Variants in NRG1 observed in about 807,000 individuals in gnomAD.
NRG1 encodes the protein neuregulin 1, also known as pro-neuregulin-1, membrane-bound isoform.
In NRG1, 18 loss-of-function variants were observed where a neutral mutation model predicts 63.8. That is an observed-to-expected ratio of 0.28 (90% CI 0.19 to 0.42). NRG1 has a LOEUF of 0.42. Among genes scored for constraint, NRG1 ranks in the 10% least tolerant of loss-of-function variants. The pLI, the probability that NRG1 is intolerant of heterozygous loss-of-function variation, is 1.00. For synonymous variants in NRG1, 302 were observed against 301.3 expected (o/e 1.00, Z -0.02); for missense variants, 762 against 814.7 (o/e 0.94, Z 0.79).
chr8:31,822,580 G>C (rs1695076405), intron 1 of NRG1, among the ~76,000 whole-genome samples: 1 of 152,144 alleles, frequency 6.6e-6, no homozygotes, highest in South Asian at 2.1e-4. Context: ...TTTCTAAAAG[G>C]CAAAGTGTTT....
chr8:32,400,683 C>T (rs1813063009), intron 1 of NRG1, among the ~76,000 whole-genome samples: 1 of 152,174 alleles, frequency 6.6e-6, no homozygotes, highest in African/African-American at 2.4e-5. Flanking sequence ...TCATACACTG[C>T]TGGTGGGACT....
chr8:31,806,172 A>G (rs1444063395), intron 1 of NRG1, among the ~76,000 whole-genome samples: 2 of 152,212 alleles, frequency 1.3e-5, no homozygotes, highest in African/African-American at 2.4e-5. Context: ...GAAAAGGTAC[A>G]TGATAATGAT....
chr8:32,320,993 G>A (rs1801317386), intron 1 of NRG1, among the ~76,000 whole-genome samples: 1 of 152,028 alleles, frequency 6.6e-6, no homozygotes, highest in Non-Finnish European at 1.5e-5. Context: ...TATATTTTAT[G>A]GTGGTGAGGG....
chr8:32,439,434 T>C (rs1819222253), intron 1 of NRG1, among the ~76,000 whole-genome samples: 1 of 152,262 alleles, frequency 6.6e-6, no homozygotes, highest in Non-Finnish European at 1.5e-5. Context: ...AACTGCCTTT[T>C]GATGAAAAAG....
At chr8:31,639,251 C>A in exon 1 of NRG1, 1 of 1,002,384 alleles carries the variant, frequency 1.0e-6, no homozygotes, top group Non-Finnish European at 1.5e-6. Flanking sequence ...CCCCAGTAAG[C>A]CTCCGCAGCC....
chr8:32,322,159 A>G (rs903868870), intron 1 of NRG1, among the ~76,000 whole-genome samples: 2 of 151,958 alleles, frequency 1.3e-5, no homozygotes, highest in African/African-American at 4.8e-5. Context: ...ACTGTACTCC[A>G]GCCTGGACAA....
intron 1 of NRG1, among the ~76,000 whole-genome samples, chr8:32,238,944 A>G (rs1586303799): frequency 6.6e-6 from 1 of 152,176 alleles, no homozygotes; most frequent in African/African-American, 2.4e-5. Flanking sequence ...TTCACGCAGA[A>G]ACTTGGCAAC....
intron 1 of NRG1, among the ~76,000 whole-genome samples, chr8:32,513,170 G>GGTGT (rs55982622): frequency 5.7e-4 from 85 of 149,238 alleles, no homozygotes; most frequent in East Asian, 3.8e-3. Context: ...TGCTGAAGCT[G>GGTGT]GTGTGTGTGT....
intron 1 of NRG1, among the ~76,000 whole-genome samples, chr8:32,409,406 T>C (rs542090538): frequency 6.6e-6 from 1 of 152,042 alleles, no homozygotes; most frequent in Non-Finnish European, 1.5e-5. Flanking sequence ...AATAGGCAAA[T>C]GGGACTTCAT....
At position 32,728,116 on chromosome 8, in the gene NRG1, A is replaced by G. The variant is rs746816345; in HGVS notation, c.632+38A>G. 2.5e-6 allele frequency: 4 copies of G among 1,609,606 alleles called. No homozygotes were observed. In the Admixed American group the frequency reaches 6.7e-5, roughly 27 times the overall value. On this transcript the variant is annotated intron_variant, in intron 6 of 11. Coordinates refer to ENST00000356819, the Ensembl canonical transcript of NRG1. ...ATCCTGTGTGTCGCTTATGTCTATA[A>G]CTCCTTGTTTCAGATGATTCTATGT...
chr8:32,037,607 A>G (rs1315250721), intron 1 of NRG1, among the ~76,000 whole-genome samples: 2 of 152,188 alleles, frequency 1.3e-5, no homozygotes, highest in African/African-American at 2.4e-5. Flanking sequence ...AGTTCTGTTC[A>G]TAAACCCCTG....
chr8:32,170,039 A>G (rs959981037), intron 1 of NRG1, among the ~76,000 whole-genome samples: 11 of 152,352 alleles, frequency 7.2e-5, no homozygotes, highest in Middle Eastern at 3.4e-3. Flanking sequence ...AGAATTATGT[A>G]TCTACAAGCC....
chr8:32,467,292 G>C (rs1302158197), intron 1 of NRG1, among the ~76,000 whole-genome samples: 2 of 152,134 alleles, frequency 1.3e-5, no homozygotes, highest in African/African-American at 2.4e-5. Flanking sequence ...TGATTAGCTA[G>C]CTGGGAAGGA....
Position 32,654,241 on chromosome 8 carries a change from G to A in NRG1, c.502+37356G>A, listed in dbSNP as rs149206630. ...CATTTATTCAAGTAGCATATGTTAC[G>A]TTATCATAATTTAAAAGATTTGGTT... is the stretch of plus-strand genomic sequence containing the variant. On this transcript the variant is annotated intron_variant, in intron 5 of 11. Coordinates refer to ENST00000356819, the Ensembl canonical transcript of NRG1. Among the ~76,000 whole-genome samples, 24 of 152,130 alleles carry A rather than the reference G, an allele frequency of 1.6e-4. No homozygotes were observed. The South Asian group carries it at 4.6e-3, about 29-fold the overall frequency.
intron 1 of NRG1, among the ~76,000 whole-genome samples, chr8:32,412,033 A>C (rs185622497): frequency 6.6e-6 from 1 of 152,202 alleles, no homozygotes; most frequent in African/African-American, 2.4e-5. Flanking sequence ...TGAACATTTG[A>C]ACTGGTAGAT....
At chr8:31,700,884 A>C (rs1414996605) in intron 1 of NRG1, among the ~76,000 whole-genome samples, 1 of 152,194 alleles carries the variant, frequency 6.6e-6, no homozygotes, top group Non-Finnish European at 1.5e-5. Context: ...TAACTAGAGC[A>C]AGAGTAGATG....
At chr8:32,455,699 A>T (rs1357684498) in intron 1 of NRG1, among the ~76,000 whole-genome samples, 1 of 152,216 alleles carries the variant, frequency 6.6e-6, no homozygotes, top group African/African-American at 2.4e-5. Flanking sequence ...AATGAGACTG[A>T]TAATCAGAGC....
chr8:31,909,251 G>A (rs1481056011), intron 1 of NRG1, among the ~76,000 whole-genome samples: 1 of 152,108 alleles, frequency 6.6e-6, no homozygotes, highest in African/African-American at 2.4e-5. Flanking sequence ...TCATTTTATA[G>A]TTTCCAAGGG....
upstream of NRG1, among the ~76,000 whole-genome samples, chr8:32,543,403 T>C (rs1832764701): frequency 6.6e-6 from 1 of 152,082 alleles, no homozygotes; most frequent in Non-Finnish European, 1.5e-5. Context: ...GGAGGATAAA[T>C]AATGCAGAGG....
Sources: gnomAD v4.1 joint callset for allele counts (sites outside exome capture counted in the v4.1 genomes callset) on GRCh38, gnomAD v4.1.1 for gene constraint, MANE v1.5 for transcripts, NCBI Gene and HGNC (gene_info 2026-07-23, HGNC 2026-07-21) for gene names.